Variants in COX18 observed in about 807,000 individuals in gnomAD.
COX18 encodes cytochrome c oxidase assembly factor COX18, also known as cytochrome c oxidase assembly protein COX18, mitochondrial.
A neutral mutation model predicts 38.0 loss-of-function variants in COX18; 45 were observed. The observed-to-expected ratio is 1.18, with a 90% CI of 0.93 to 1.52. COX18 has a LOEUF of 1.52. Among genes scored for constraint, COX18 ranks in the 40% most tolerant of loss-of-function variants. The probability of loss-of-function intolerance (pLI) is 0.00; values close to 1 mark genes in which losing one functional copy is unlikely to be tolerated. For synonymous variants in COX18, 177 were observed against 169.8 expected (o/e 1.04, Z -0.33); for missense variants, 462 against 423.8 (o/e 1.09, Z -0.79).
At chr4:73,067,864 A>AAAAAAAAATAT in intron 2 of COX18, among the ~76,000 whole-genome samples, 165 bp downstream of exon 2, 13 of 20,020 alleles carry the variant, frequency 6.5e-4, no homozygotes, top group African/African-American at 1.2e-3. Context: ...AAAAAAAAAA[A>AAAAAAAAATAT]ATATATATAT....
Position 73,065,269 on chromosome 4 carries a change from C to G in COX18, c.579G>C (p.Thr193=), listed in dbSNP as rs569913631. The G allele has an allele frequency of 1.9e-6, 3 of 1,612,892 alleles. No homozygotes were observed. The Admixed American group carries it at 5.0e-5, about 27-fold the overall frequency. ...FMSFALRNLS[T]GAAHSEAGFS... is the part of the protein sequence containing the mutation. ...AATTACCTTCTGAATGTGCTGCCCC[C>G]GTGCTTAAATTCCGGAGAGCAAAAG... Residue 193 remains threonine, a synonymous_variant, in exon 3 of 6, where the codon ACG becomes ACC. Transcript: ENST00000507544.
Position 73,055,363 on chromosome 4 carries a change from C to G in COX18, c.*2751G>C, listed in dbSNP as rs1719850021. 1 of 152,194 alleles carries G rather than the reference C, an allele frequency of 6.6e-6. No homozygotes were observed. Among genetic ancestry groups the G allele is most frequent in the Admixed American group, 6.5e-5 (1 of 15,280 alleles). The allele number at this position is 152,194 out of a possible 1,614,324, so 9.4% of individuals were successfully genotyped here. A position where few individuals can be genotyped will look rare whatever the true frequency, so the allele number is the denominator to read the frequency against. ...AAGTAGTGAATACCAAATCACTGCT[C>G]CTAGAAAACATACAGGGTTAGGTTT... On this transcript the variant is annotated 3_prime_UTR_variant, in exon 6 of 6. Coordinates refer to ENST00000507544, the MANE Select transcript of COX18 (RefSeq NM_001297732.2).
intron 5 of COX18, 46 bp downstream of exon 5, chr4:73,061,767 A>AGAGAG (rs1371734825): frequency 9.2e-7 from 1 of 1,081,928 alleles, no homozygotes; most frequent in Non-Finnish European, 1.4e-6. Flanking sequence ...AGCTAAAGTC[A>AGAGAG]GAGAGGATTT....
chr4:73,062,145 C>T (rs891947298), intron 4 of COX18, among the ~76,000 whole-genome samples: 5 of 152,012 alleles, frequency 3.3e-5, no homozygotes, highest in Non-Finnish European at 5.9e-5. Flanking sequence ...TGGTCTCAAA[C>T]TCCTGGGCTC....
rs1353701419 is a variant in COX18 at position 73,064,764 on chromosome 4, T to A, written c.723+14A>T. On this transcript the variant is annotated intron_variant, in intron 4 of 5. Transcript: ENST00000507544. ...CCCATAAATGGCAAACAAATTTCAT[T>A]TAAAACTACTGACCTCCACTATTAA... The A allele has an allele frequency of 1.9e-6, 3 of 1,610,004 alleles. No individual in the cohort carries two copies. Among genetic ancestry groups the A allele is most frequent in the Non-Finnish European group, 2.5e-6 (3 of 1,177,906 alleles).
At chr4:73,066,419 G>A (rs972947097) in intron 2 of COX18, among the ~76,000 whole-genome samples, 55 of 152,134 alleles carry the variant, frequency 3.6e-4, no homozygotes, top group Admixed American at 2.6e-4. Context: ...CCAACACTGT[G>A]GCTTGCACTT....
intron 4 of COX18, among the ~76,000 whole-genome samples, chr4:73,064,472 G>A (rs1389086611): frequency 2.0e-5 from 3 of 152,174 alleles, no homozygotes; most frequent in Non-Finnish European, 4.4e-5. Context: ...GATTGACTGG[G>A]CATCTTTATT....
At position 73,053,673 on chromosome 4, in the gene COX18, T is replaced by C. The variant is rs2110039317; in HGVS notation, c.*4441A>G. 6.6e-6 allele frequency: 1 copy of C among 152,370 alleles called. No individual in the cohort carries two copies. The highest frequency in any genetic ancestry group is 2.4e-5 in the African/African-American group (1 of 41,588). 9.4% of individuals were successfully genotyped at this position (152,370 alleles called of 1,614,324 possible). A position where few individuals can be genotyped will look rare whatever the true frequency, so the allele number is the denominator to read the frequency against. On this transcript the variant is annotated 3_prime_UTR_variant, in exon 6 of 6. Transcript: ENST00000507544. ...GCTCTTAAGTGCTGTTAAAGGTACC[T>C]GAAAAGTCTTCTCCCCAAGTTTGGC... is the stretch of plus-strand genomic sequence containing the variant.
intron 2 of COX18, among the ~76,000 whole-genome samples, chr4:73,067,220 C>A (rs763410971): frequency 5.9e-5 from 9 of 152,194 alleles, no homozygotes; most frequent in Non-Finnish European, 1.2e-4. Context: ...CCTCCTCTTT[C>A]CTGTAGGCTA....
intron 5 of COX18, among the ~76,000 whole-genome samples, chr4:73,060,859 G>A (rs990341698): frequency 5.2e-5 from 7 of 134,368 alleles, no homozygotes; most frequent in Admixed American, 2.4e-4. Flanking sequence ...CAGCCTGGGC[G>A]ACAGAGCAAG....
chr4:73,067,785 G>A (rs1720519840), intron 2 of COX18, among the ~76,000 whole-genome samples: 1 of 122,206 alleles, frequency 8.2e-6, no homozygotes, highest in Non-Finnish European at 1.6e-5. Context: ...AGGTTGTGAT[G>A]AGCCGAGATC....
rs1446834102 is a variant in COX18 at position 73,053,990 on chromosome 4, A to C, written c.*4124T>G. The C allele has an allele frequency of 2.0e-5, 3 of 152,264 alleles. No homozygotes were observed. The highest frequency in any genetic ancestry group is 4.4e-5 in the Non-Finnish European group (3 of 68,046). 9.4% of individuals were successfully genotyped at this position (152,264 alleles called of 1,614,324 possible). The stretch of plus-strand genomic sequence containing the variant: ...GTCTCCCTTCCTGACTCTTGAAATG[A>C]GAAGCATTCATTAAGACAGTGAATC... On this transcript the variant is annotated 3_prime_UTR_variant, in exon 6 of 6. Coordinates refer to ENST00000507544, the MANE Select transcript of COX18 (RefSeq NM_001297732.2).
intron 4 of COX18, among the ~76,000 whole-genome samples, chr4:73,064,341 T>C (rs1421106710): frequency 6.6e-6 from 1 of 152,204 alleles, no homozygotes; most frequent in Non-Finnish European, 1.5e-5. Context: ...AGACATTCAA[T>C]GACTTTTCTA....
In COX18 at chr4:73,054,562, C is replaced by T. The variant is rs1422632760; in HGVS notation, c.*3552G>A. 1 of 152,064 alleles carries T rather than the reference C, an allele frequency of 6.6e-6. No homozygotes were observed. The highest frequency in any genetic ancestry group is 1.5e-5 in the Non-Finnish European group (1 of 68,016). 9.4% of individuals were successfully genotyped at this position (152,064 alleles called of 1,614,324 possible). A position where few individuals can be genotyped will look rare whatever the true frequency, so the allele number is the denominator to read the frequency against. The stretch of plus-strand genomic sequence containing the variant: ...GGAAGGGCCTTGTATTCTCAAACTT[C>T]CTGTATATATTTGAAAAGAAATTTC... On this transcript the variant is annotated 3_prime_UTR_variant, in exon 6 of 6. Transcript: ENST00000507544.
Position 73,061,856 on chromosome 4 carries a change from G to A in COX18, c.788C>T (p.Ala263Val), listed in dbSNP as rs1560471604. ...AATTGGTATCATCAACACCGACATTGCACGGACAAAGTACGTAATATACGT... is the reference window on the plus strand; with the variant it reads ...AATTGGTATCATCAACACCGACATTACACGGACAAAGTACGTAATATACGT... ...FQTYITYFVR[A>V]MSVLMIPIAA... is the part of the protein sequence containing the mutation. The change falls in exon 5 of 6, where the codon GCA becomes GTA. Residue 263 changes from alanine (A) to valine (V), a missense_variant. Coordinates refer to ENST00000507544, the MANE Select transcript of COX18 (RefSeq NM_001297732.2). The A allele has an allele frequency of 1.9e-6, 3 of 1,613,666 alleles. No homozygotes were observed. Among genetic ancestry groups the A allele is most frequent in the East Asian group, 4.5e-5 (2 of 44,868 alleles).
intron 2 of COX18, among the ~76,000 whole-genome samples, 188 bp downstream of exon 2, chr4:73,067,841 C>A (rs1266932196): frequency 2.5e-3 from 5 of 1,998 alleles, no homozygotes; most frequent in Non-Finnish European, 3.6e-3. Context: ...AACTCCGTCT[C>A]AAAAAAAAAA....
At chr4:73,067,695 C>G (rs1330378142) in intron 2 of COX18, among the ~76,000 whole-genome samples, 1 of 150,000 alleles carries the variant, frequency 6.7e-6, no homozygotes, top group Non-Finnish European at 1.5e-5. Flanking sequence ...ACAAAATTAG[C>G]CAGGCATGGT....
chr4:73,055,947 T>C lies in COX18; in HGVS notation c.*2167A>G, dbSNP rs1248005762. 6.6e-6 allele frequency: 1 copy of C among 152,202 alleles called. No individual in the cohort carries two copies. Among genetic ancestry groups the C allele is most frequent in the Admixed American group, 6.6e-5 (1 of 15,264 alleles). 9.4% of individuals were successfully genotyped at this position (152,202 alleles called of 1,614,324 possible). On this transcript the variant is annotated 3_prime_UTR_variant, in exon 6 of 6. Transcript: ENST00000507544. ...ACCTAGTCTTAATTGCCACCATCTATGTCTAAAATAAATTCTCAGGGAAGC... is the reference window on the plus strand; with the variant it reads ...ACCTAGTCTTAATTGCCACCATCTACGTCTAAAATAAATTCTCAGGGAAGC...
intron 3 of COX18, 74 bp from the exon 4 acceptor site, chr4:73,064,976 T>C: frequency 1.4e-6 from 2 of 1,416,118 alleles, no homozygotes; most frequent in Admixed American, 1.9e-5. Flanking sequence ...CATAAATAAG[T>C]AGTCTGACAA....
Sources: gnomAD v4.1 joint callset for allele counts (sites outside exome capture counted in the v4.1 genomes callset) on GRCh38, gnomAD v4.1.1 for gene constraint, MANE v1.5 for transcripts, NCBI Gene and HGNC (gene_info 2026-07-23, HGNC 2026-07-21) for gene names.